The following KYAT1 variants were observed in gnomAD, a reference collection of about 807,000 sequenced individuals.
KYAT1 encodes kynurenine aminotransferase 1.
KYAT1 carries 47 observed loss-of-function variants against 52.4 expected under a neutral mutation model. The ratio of observed to expected loss-of-function variants is 0.90; its 90% CI spans 0.71 to 1.14. The LOEUF (loss-of-function observed/expected upper bound fraction) is 1.14, where lower values mean the gene tolerates loss of function less well. KYAT1 is among the 50% of genes most tolerant of loss of function. KYAT1 has a pLI of 0.00. For synonymous variants in KYAT1, 212 were observed against 209.6 expected (o/e 1.01, Z -0.10); for missense variants, 480 against 557.9 (o/e 0.86, Z 1.41).
At chr9:128,880,336 G>A (rs1403107208) in intron 1 of KYAT1, among the ~76,000 whole-genome samples, 1 of 152,122 alleles carries the variant, frequency 6.6e-6, no homozygotes, top group South Asian at 2.1e-4. Flanking sequence ...CGGGTGTTGC[G>A]TGACTGACAA....
rs1452460424 is a variant in KYAT1 at position 128,845,335 on chromosome 9, C to T, written c.53+18G>A. On this transcript the variant is annotated intron_variant, in intron 2 of 12. Coordinates refer to ENST00000302586, the MANE Select transcript of KYAT1 (RefSeq NM_004059.5). Reference sequence around the variant, plus strand: ...CCCGAGGGGACACCCACACACCTCCCCAGCCCAGCTGGCTCACCAGGGGTT... The same window carrying T: ...CCCGAGGGGACACCCACACACCTCCTCAGCCCAGCTGGCTCACCAGGGGTT... The T allele has an allele frequency of 1.2e-6, 2 of 1,612,930 alleles. No homozygotes were observed. The highest frequency in any genetic ancestry group is 1.3e-5 in the African/African-American group (1 of 74,926).
Position 128,842,786 on chromosome 9 carries a change from T to G in KYAT1, c.69A>C (p.Lys23Asn). 1 of 1,613,740 alleles carries G rather than the reference T, an allele frequency of 6.2e-7. No individual in the cohort carries two copies. The highest frequency in any genetic ancestry group is 8.5e-7 in the Non-Finnish European group (1 of 1,179,842). ...TCACGACGTCATGCTCACTGGCCAG[T>G]TTCACAAACTCCACCCTGGGTAACA... Reference protein sequence around the residue: ...IDYNPWVEFVKLASEHDVVNL... With the variant: ...IDYNPWVEFVNLASEHDVVNL... Residue 23 changes from lysine (K) to asparagine (N), a missense_variant, in exon 3 of 13, where the codon AAA (lysine) becomes AAC (asparagine). Transcript: ENST00000302586.
chr9:128,840,535 G>C (rs1589643083), intron 3 of KYAT1: 1 of 393,056 alleles, frequency 2.5e-6, no homozygotes, highest in Non-Finnish European at 4.9e-6. Flanking sequence ...ATAGGCGTGA[G>C]CCACCATACC....
At chr9:128,872,538 T>G (rs549330709) in intron 1 of KYAT1, among the ~76,000 whole-genome samples, 1 of 147,748 alleles carries the variant, frequency 6.8e-6, no homozygotes, top group East Asian at 2.0e-4. Flanking sequence ...GAGGCCGAGG[T>G]GGGCGGATCA....
intron 6 of KYAT1, 85 bp downstream of exon 6, chr9:128,837,599 CG>C: frequency 6.7e-7 from 1 of 1,492,886 alleles, no homozygotes; most frequent in Non-Finnish European, 9.2e-7. Flanking sequence ...AACGAAGAAA[CG>C]GAGGCCCCAC....
rs374964732 is a variant in KYAT1, at chr9:128,833,593, C to T, written c.1260G>A (p.Val420=). 16 of 1,614,082 alleles carry T rather than the reference C, an allele frequency of 9.9e-6. No homozygotes were observed. The Admixed American group carries it at 2.3e-4, about 24-fold the overall frequency. Reference sequence around the variant, plus strand: ...AGGCGTGACTTCAGGGCTAGAGTTCCACCTTCCACTTCCGCAGCTTCTCGT... The same window carrying T: ...AGGCGTGACTTCAGGGCTAGAGTTCTACCTTCCACTTCCGCAGCTTCTCGT... The part of the protein sequence containing the change: ...AMDEKLRKWK[V]EL The change falls in exon 13 of 13, where the codon GTG becomes GTA. Residue 420 remains valine, a synonymous_variant. Coordinates refer to ENST00000302586, the MANE Select transcript of KYAT1 (RefSeq NM_004059.5).
intron 11 of KYAT1, among the ~76,000 whole-genome samples, chr9:128,834,325 A>G (rs1052057419): frequency 2.6e-5 from 4 of 152,192 alleles, no homozygotes; most frequent in Non-Finnish European, 5.9e-5. Context: ...CCCTGGGTAT[A>G]GAGGGCAGAG....
intron 1 of KYAT1, among the ~76,000 whole-genome samples, chr9:128,858,395 T>TAAAACAA (rs1554812486): frequency 1.5e-5 from 1 of 65,102 alleles, no homozygotes; most frequent in Non-Finnish European, 2.4e-5. Context: ...AGACCATGTA[T>TAAAACAA]AAAAAAAAAA....
intron 1 of KYAT1, among the ~76,000 whole-genome samples, chr9:128,864,638 G>A (rs552148226): frequency 7.2e-5 from 11 of 152,008 alleles, no homozygotes; most frequent in Admixed American, 2.6e-4. Context: ...GGACAAAGTC[G>A]TGCTCTGTCG....
intron 1 of KYAT1, among the ~76,000 whole-genome samples, chr9:128,878,463 G>C (rs1838334495): frequency 2.0e-5 from 3 of 151,962 alleles, no homozygotes; most frequent in Non-Finnish European, 2.9e-5. Context: ...AAACCTACCA[G>C]GCTTTCCATA....
intron 3 of KYAT1, among the ~76,000 whole-genome samples, chr9:128,840,842 T>C (rs946772927): frequency 6.6e-6 from 1 of 152,202 alleles, no homozygotes; most frequent in African/African-American, 2.4e-5. Context: ...AGGCACACAC[T>C]GTTTCTTAAC....
intron 1 of KYAT1, among the ~76,000 whole-genome samples, chr9:128,848,288 C>T: frequency 7.0e-6 from 1 of 143,744 alleles, no homozygotes; most frequent in Non-Finnish European, 1.5e-5. Context: ...CCACTGCACT[C>T]CAGCCTGGGC....
chr9:128,864,192 C>A (rs1432557908), intron 1 of KYAT1, among the ~76,000 whole-genome samples: 1 of 151,660 alleles, frequency 6.6e-6, no homozygotes, highest in Non-Finnish European at 1.5e-5. Flanking sequence ...GAAACCCCGT[C>A]TCTACTAAAA....
At chr9:128,875,673 G>C (rs544181714) in intron 1 of KYAT1, among the ~76,000 whole-genome samples, 2 of 152,158 alleles carry the variant, frequency 1.3e-5, no homozygotes, top group Admixed American at 1.3e-4. Flanking sequence ...AGGCAGCTCA[G>C]GTGATCTGGC....
At chr9:128,861,244 T>C (rs1418505837) in intron 1 of KYAT1, among the ~76,000 whole-genome samples, 1 of 152,204 alleles carries the variant, frequency 6.6e-6, no homozygotes, top group African/African-American at 2.4e-5. Flanking sequence ...AATTCCCACG[T>C]GTCCTGGGAG....
At chr9:128,870,824 G>A (rs1837118760) in intron 1 of KYAT1, among the ~76,000 whole-genome samples, 1 of 152,034 alleles carries the variant, frequency 6.6e-6, no homozygotes, top group Admixed American at 6.6e-5. Flanking sequence ...GTTTTCCTAA[G>A]GGAACGATAA....
chr9:128,876,000 C>G (rs1191267951), intron 1 of KYAT1, among the ~76,000 whole-genome samples: 1 of 152,150 alleles, frequency 6.6e-6, no homozygotes, highest in Non-Finnish European at 1.5e-5. Flanking sequence ...TGGACCAGCT[C>G]TGCCCAGAAG....
chr9:128,849,883 CTTTT>C (rs537211110), intron 1 of KYAT1, among the ~76,000 whole-genome samples: 1 of 91,954 alleles, frequency 1.1e-5, no homozygotes, highest in Non-Finnish European at 1.9e-5. Context: ...TTATTTTCTT[CTTTT>C]TTTTTTTTTT....
At chr9:128,862,346 A>G (rs1360856906) in intron 1 of KYAT1, among the ~76,000 whole-genome samples, 1 of 152,112 alleles carries the variant, frequency 6.6e-6, no homozygotes. Flanking sequence ...ACTAGGACTC[A>G]CTCTGTCCCA....
Sources: allele counts gnomAD v4.1 joint callset (sites outside exome capture counted in the v4.1 genomes callset), GRCh38; gene constraint gnomAD v4.1.1; transcripts MANE v1.5; gene names NCBI Gene and HGNC (gene_info 2026-07-23, HGNC 2026-07-21).